Variants in CELF2 observed in about 807,000 individuals in gnomAD.
CELF2 encodes CUG triplet repeat RNA-binding protein 2.
In CELF2, 8 loss-of-function variants were observed where a neutral mutation model predicts 62.6. The observed-to-expected ratio is 0.13, with a 90% CI of 0.07 to 0.23. The LOEUF (loss-of-function observed/expected upper bound fraction) is 0.23. Ranked by LOEUF, CELF2 falls within the 10% of genes least tolerant of loss-of-function variation. The pLI is 1.00. For synonymous variants in CELF2, 258 were observed against 250.0 expected (o/e 1.03, Z -0.30); for missense variants, 333 against 671.0 (o/e 0.50, Z 5.56).
chr10:11,235,747 AG>A (rs2070977559), intron 3 of CELF2, among the ~76,000 whole-genome samples: 1 of 150,724 alleles, frequency 6.6e-6, no homozygotes, highest in Admixed American at 6.6e-5. Flanking sequence ...ATGGGTAATA[AG>A]AAATAGCCCT....
chr10:10,939,517 C>T (rs1195273011), intron 2 of CELF2, among the ~76,000 whole-genome samples: 1 of 152,006 alleles, frequency 6.6e-6, no homozygotes, highest in East Asian at 2.0e-4. Flanking sequence ...AACTCCTGAC[C>T]TCAGGTGATC....
the CELF2 span, among the ~76,000 whole-genome samples, chr10:10,629,972 G>GA: frequency 1.3e-5 from 2 of 149,134 alleles, no homozygotes; most frequent in African/African-American, 2.5e-5. Flanking sequence ...TTTTATTATG[G>GA]AAAAATTTGT....
chr10:10,808,996 G>A (rs999809637), intron 1 of CELF2, among the ~76,000 whole-genome samples: 2 of 152,146 alleles, frequency 1.3e-5, no homozygotes, highest in Non-Finnish European at 2.9e-5. Context: ...ACTGAAATGT[G>A]TCTCCCCAAA....
chr10:10,809,568 C>A (rs1454944284), intron 1 of CELF2, among the ~76,000 whole-genome samples: 2 of 152,262 alleles, frequency 1.3e-5, no homozygotes, highest in East Asian at 1.9e-4. Context: ...CTATACCATA[C>A]GACAATAAGT....
chr10:11,329,834 T>TAATA lies in CELF2; in HGVS notation c.*790_*793dup, dbSNP rs553134284. On this transcript the variant is annotated 3_prime_UTR_variant, in exon 13 of 13. Coordinates refer to ENST00000633077, the MANE Select transcript of CELF2 (RefSeq NM_001326342.2). This position sits in a 1 kb window ranked among gnomAD's most constrained non-coding sequence, Gnocchi z 5.5. The stretch of plus-strand genomic sequence containing the variant: ...GTTTCTTGAAAGATAAATTTAATAA[T>TAATA]AATAAATAAATACATAAATACATAA... The TAATA allele has an allele frequency of 6.6e-6, 1 of 152,016 alleles. No homozygotes were observed. The highest frequency in any genetic ancestry group is 2.4e-5 in the African/African-American group (1 of 41,424). The allele number at this position is 152,016 out of a possible 1,614,324, so 9.4% of individuals were successfully genotyped here.
In CELF2 at chr10:11,211,815, T is replaced by TGTGC. The variant is rs1554956953; in HGVS notation, c.272-5607_272-5606insCGTG. Among the ~76,000 whole-genome samples, 37 of 37,368 alleles carry TGTGC rather than the reference T, an allele frequency of 9.9e-4. No homozygotes were observed. The highest frequency in any genetic ancestry group is 4.4e-3 in the African/African-American group (36 of 8,128). 24.5% of individuals were successfully genotyped at this position (37,368 alleles called of 152,430 possible). A position where few individuals can be genotyped will look rare whatever the true frequency, so the allele number is the denominator to read the frequency against. On this transcript the variant is annotated intron_variant, in intron 2 of 12. Coordinates refer to ENST00000633077, the MANE Select transcript of CELF2 (RefSeq NM_001326342.2). The surrounding 1 kb of genome is among the most constrained non-coding windows in gnomAD (Gnocchi z 4.8). ...GTGAGAGAGAGAGAGAGAGAGAGAG[T>TGTGC]GTGTGTGTGTGTGTGTGTGTGTGTG...
chr10:10,733,745 A>T, the CELF2 span, among the ~76,000 whole-genome samples: 1 of 152,158 alleles, frequency 6.6e-6, no homozygotes. Flanking sequence ...ATTCACTACC[A>T]TGAGAACAAT....
At chr10:11,298,260 G>GA (rs2093386662) in intron 9 of CELF2, among the ~76,000 whole-genome samples, 1 of 152,230 alleles carries the variant, frequency 6.6e-6, no homozygotes, top group Admixed American at 6.5e-5. Context: ...CTCCCCCTGG[G>GA]AGGAGCCCCC....
chr10:10,669,699 A>G, the CELF2 span, among the ~76,000 whole-genome samples: 2 of 152,140 alleles, frequency 1.3e-5, no homozygotes, highest in Non-Finnish European at 2.9e-5. Flanking sequence ...CATTTTCACA[A>G]TACATCCTAT....
At chr10:10,963,650 T>C (rs977608942) in intron 2 of CELF2, among the ~76,000 whole-genome samples, 5 of 152,112 alleles carry the variant, frequency 3.3e-5, no homozygotes, top group African/African-American at 1.2e-4. Context: ...CATCCTGCCA[T>C]ATATTTGATA....
upstream of CELF2, among the ~76,000 whole-genome samples, chr10:11,013,447 C>T (rs1406703296): frequency 6.6e-6 from 1 of 152,074 alleles, no homozygotes; most frequent in Non-Finnish European, 1.5e-5. The surrounding 1 kb of genome is among the most constrained non-coding windows in gnomAD (Gnocchi z 4.1). Context: ...CTAGTGGGGT[C>T]CCTCCTTTGC....
At chr10:10,682,642 A>AT in the CELF2 span, among the ~76,000 whole-genome samples, 118 of 145,168 alleles carry the variant, frequency 8.1e-4, no homozygotes, top group South Asian at 4.1e-3. Flanking sequence ...TTCTCTTTGC[A>AT]TTTTTTTTTT....
chr10:10,746,845 C>T, the CELF2 span, among the ~76,000 whole-genome samples: 3 of 152,138 alleles, frequency 2.0e-5, no homozygotes, highest in African/African-American at 7.2e-5. Context: ...TTGTACCAAC[C>T]TAATACCACA....
the CELF2 span, among the ~76,000 whole-genome samples, chr10:10,634,619 C>T: frequency 6.6e-6 from 1 of 151,706 alleles, no homozygotes; most frequent in Admixed American, 6.6e-5. Context: ...TAAACATCCC[C>T]AAATTCTTAG....
intron 3 of CELF2, among the ~76,000 whole-genome samples, chr10:11,241,887 A>G (rs576941454): frequency 1.3e-5 from 2 of 152,274 alleles, no homozygotes; most frequent in African/African-American, 4.8e-5. Flanking sequence ...TGTTTTTAGC[A>G]TTCCCAAATT....
At chr10:11,320,404 T>C (rs553232623) in intron 10 of CELF2, among the ~76,000 whole-genome samples, 3 of 152,326 alleles carry the variant, frequency 2.0e-5, no homozygotes, top group African/African-American at 7.2e-5. Flanking sequence ...GAAACCCCAG[T>C]TGCCACTTGG....
At chr10:10,503,851 G>T in the CELF2 span, among the ~76,000 whole-genome samples, 1 of 151,614 alleles carries the variant, frequency 6.6e-6, no homozygotes, top group African/African-American at 2.4e-5. Context: ...ACAATTGTTA[G>T]ATTTCCCTTT....
chr10:10,890,979 C>T (rs2133900879), intron 1 of CELF2, among the ~76,000 whole-genome samples: 1 of 152,184 alleles, frequency 6.6e-6, no homozygotes, highest in African/African-American at 2.4e-5. Context: ...TGCAGCATTG[C>T]ACTCCAGCCT....
intron 2 of CELF2, among the ~76,000 whole-genome samples, chr10:11,202,949 CTCTGTGTG>C (rs1442239917): frequency 9.0e-5 from 4 of 44,302 alleles, no homozygotes; most frequent in South Asian, 1.2e-3. Context: ...CTCTCTCTCT[CTCTGTGTG>C]TGTGTGTGTG....
Sources: gnomAD v4.1 joint callset for allele counts (sites outside exome capture counted in the v4.1 genomes callset) on GRCh38, gnomAD v4.1.1 for gene constraint, Gnocchi (gnomAD v3.1) non-coding constraint, MANE v1.5 for transcripts, NCBI Gene and HGNC (gene_info 2026-07-23, HGNC 2026-07-21) for gene names.